The following PRMT3 variants were observed in gnomAD, a reference collection of about 807,000 sequenced individuals.
PRMT3 encodes the protein protein arginine N-methyltransferase 3.
In PRMT3, 62 loss-of-function variants were observed where a neutral mutation model predicts 71.9. The ratio of observed to expected loss-of-function variants is 0.86; its 90% CI spans 0.70 to 1.07. The LOEUF (loss-of-function observed/expected upper bound fraction) is 1.07. Among genes scored for constraint, PRMT3 ranks in the 50% least tolerant of loss-of-function variants. The probability of loss-of-function intolerance (pLI) is 0.00; values close to 1 mark genes in which losing one functional copy is unlikely to be tolerated. For synonymous variants in PRMT3, 213 were observed against 220.4 expected (o/e 0.97, Z 0.30); for missense variants, 663 against 643.0 (o/e 1.03, Z -0.34).
intron 10 of PRMT3, among the ~76,000 whole-genome samples, chr11:20,449,946 A>C (rs1434543373): frequency 2.6e-5 from 4 of 152,128 alleles, no homozygotes. Context: ...AAAAACAAAA[A>C]TAAATAGTAT....
chr11:20,414,295 C>A (rs778260461), intron 9 of PRMT3, among the ~76,000 whole-genome samples: 1 of 152,108 alleles, frequency 6.6e-6, no homozygotes, highest in Non-Finnish European at 1.5e-5. Flanking sequence ...TTGGTTGTTA[C>A]TGTAAACTGA....
At chr11:20,400,851 A>C (rs2133310368) in intron 7 of PRMT3, among the ~76,000 whole-genome samples, 1 of 151,770 alleles carries the variant, frequency 6.6e-6, no homozygotes, top group Non-Finnish European at 1.5e-5. Flanking sequence ...GATATAAAAA[A>C]AATTTTTAAA....
intron 13 of PRMT3, among the ~76,000 whole-genome samples, chr11:20,483,596 T>C (rs958298640): frequency 1.3e-5 from 2 of 151,340 alleles, no homozygotes; most frequent in African/African-American, 4.9e-5. Context: ...CACTTTTCAT[T>C]CAAACATGGA....
chr11:20,409,578 G>A (rs1019042129), intron 9 of PRMT3, among the ~76,000 whole-genome samples: 3 of 151,508 alleles, frequency 2.0e-5, no homozygotes, highest in East Asian at 3.9e-4. Context: ...AGTGTTAATG[G>A]AAAAATTGCC....
intron 15 of PRMT3, among the ~76,000 whole-genome samples, chr11:20,499,540 T>G (rs995782879): frequency 2.6e-5 from 4 of 152,160 alleles, no homozygotes; most frequent in African/African-American, 9.7e-5. Flanking sequence ...GGCAGGAGGA[T>G]TGCTTAAGCC....
intron 9 of PRMT3, among the ~76,000 whole-genome samples, chr11:20,414,709 C>T (rs1406438488): frequency 1.3e-5 from 2 of 152,058 alleles, no homozygotes; most frequent in Non-Finnish European, 2.9e-5. Context: ...GAAGGTTGAT[C>T]CATCATATGG....
At chr11:20,439,611 TGGG>T (rs1345675772) in intron 10 of PRMT3, among the ~76,000 whole-genome samples, 1 of 152,184 alleles carries the variant, frequency 6.6e-6, no homozygotes, top group Non-Finnish European at 1.5e-5. Context: ...ATTGTAGTAT[TGGG>T]GGAGGTGTCC....
At chr11:20,396,396 T>C (rs1322805229) in intron 6 of PRMT3, among the ~76,000 whole-genome samples, 1 of 152,148 alleles carries the variant, frequency 6.6e-6, no homozygotes, top group Non-Finnish European at 1.5e-5. Context: ...CTCAGCACTT[T>C]GGGAGGCCGA....
chr11:20,407,879 G>T, intron 8 of PRMT3, 32 bp from the exon 9 acceptor site: 1 of 1,573,280 alleles, frequency 6.4e-7, no homozygotes. Flanking sequence ...GATAACATCT[G>T]TTTTGTTTTG....
At chr11:20,391,382 A>C (rs1286511683) in intron 3 of PRMT3, among the ~76,000 whole-genome samples, 3 of 151,790 alleles carry the variant, frequency 2.0e-5, no homozygotes. Flanking sequence ...AGTAGCTGGG[A>C]TTATAGGCAT....
intron 7 of PRMT3, among the ~76,000 whole-genome samples, chr11:20,400,313 T>C (rs1042866071): frequency 6.6e-6 from 1 of 152,202 alleles, no homozygotes; most frequent in African/African-American, 2.4e-5. Flanking sequence ...GTTTTAATTA[T>C]AATTTTAAAT....
At chr11:20,448,726 A>C (rs1421301474) in intron 10 of PRMT3, among the ~76,000 whole-genome samples, 7 of 152,192 alleles carry the variant, frequency 4.6e-5, no homozygotes, top group Admixed American at 3.9e-4. Flanking sequence ...CATTTTAAAG[A>C]CAAGATTCCC....
chr11:20,444,262 A>C (rs1038339464), intron 10 of PRMT3, among the ~76,000 whole-genome samples: 1 of 152,166 alleles, frequency 6.6e-6, no homozygotes, highest in Non-Finnish European at 1.5e-5. Flanking sequence ...ATTACACTCT[A>C]TTATAAACAT....
At chr11:20,468,980 T>C (rs1458233449) in intron 13 of PRMT3, among the ~76,000 whole-genome samples, 2 of 152,168 alleles carry the variant, frequency 1.3e-5, no homozygotes, top group Non-Finnish European at 2.9e-5. Flanking sequence ...ACATGTGATA[T>C]TTATATGTAA....
At chr11:20,494,762 C>A (rs996814512) in intron 15 of PRMT3, among the ~76,000 whole-genome samples, 5 of 152,016 alleles carry the variant, frequency 3.3e-5, no homozygotes, top group African/African-American at 1.2e-4. Flanking sequence ...TAATTTCTGC[C>A]AACTAAAATA....
intron 13 of PRMT3, among the ~76,000 whole-genome samples, chr11:20,490,423 A>G (rs1434923203): frequency 2.0e-5 from 3 of 152,108 alleles, no homozygotes; most frequent in African/African-American, 4.8e-5. Context: ...TTCTTTCACT[A>G]TATTATTAAG....
chr11:20,466,892 T>C (rs1850526474), intron 13 of PRMT3, among the ~76,000 whole-genome samples: 2 of 151,344 alleles, frequency 1.3e-5, no homozygotes, highest in Non-Finnish European at 2.9e-5. Context: ...CAAAGTTCCA[T>C]AAGAAAAATG....
rs926221416 is a variant in PRMT3, at chr11:20,494,337, G to A, written c.1486+83G>A. Reference sequence around the variant, plus strand: ...TTCATTTTACAGCCACTTTTTATGTGCACACTATATTTGTTTTTTGAGACG... The same window carrying A: ...TTCATTTTACAGCCACTTTTTATGTACACACTATATTTGTTTTTTGAGACG... On this transcript the variant is annotated intron_variant, in intron 15 of 15. Transcript: ENST00000331079. The A allele has an allele frequency of 7.6e-6, 9 of 1,182,816 alleles. No homozygotes were observed. The African/African-American group carries it at 9.2e-5, about 12-fold the overall frequency. 73.3% of individuals were successfully genotyped at this position (1,182,816 alleles called of 1,614,324 possible). A position where few individuals can be genotyped will look rare whatever the true frequency, so the allele number is the denominator to read the frequency against.
At chr11:20,502,739 A>G (rs540455538) in intron 15 of PRMT3, among the ~76,000 whole-genome samples, 7 of 152,320 alleles carry the variant, frequency 4.6e-5, no homozygotes, top group African/African-American at 1.7e-4. Flanking sequence ...GACAGCTTAC[A>G]TATTTTTAAC....
Sources: gnomAD v4.1 joint callset for allele counts (sites outside exome capture counted in the v4.1 genomes callset) on GRCh38, gnomAD v4.1.1 for gene constraint, MANE v1.5 for transcripts, NCBI Gene and HGNC (gene_info 2026-07-23, HGNC 2026-07-21) for gene names.